The following USP39 variants were observed in gnomAD, a reference collection of about 807,000 sequenced individuals.
The protein encoded by USP39 is ubiquitin specific peptidase 39, also known as ubiquitin carboxyl-terminal hydrolase 39.
A neutral mutation model predicts 66.4 loss-of-function variants in USP39; 38 were observed. That is an observed-to-expected ratio of 0.57 (90% CI 0.44 to 0.75). USP39 has a LOEUF of 0.75. Ranked by LOEUF, USP39 falls within the 30% of genes least tolerant of loss-of-function variation. USP39 has a pLI of 0.00. For missense variants in USP39, 608 were observed against 714.4 expected (o/e 0.85, Z 1.70); for synonymous variants, 303 against 274.6 (o/e 1.10, Z -1.02).
chr2:85,633,325 G>A (rs144296684), intron 6 of USP39, among the ~76,000 whole-genome samples: 7,356 of 152,170 alleles, frequency 0.048, 216 homozygotes, highest in Middle Eastern at 0.099. Context: ...GTTTCACCAC[G>A]TTGGTCAGGC....
chr2:85,632,449 T>C (rs1209426931), intron 6 of USP39, among the ~76,000 whole-genome samples: 1 of 60,118 alleles, frequency 1.7e-5, no homozygotes, highest in African/African-American at 6.9e-5. Flanking sequence ...TTCAACTATC[T>C]TTTTTTTTTT....
At chr2:85,646,521 G>C (rs1289784516) in intron 11 of USP39, among the ~76,000 whole-genome samples, 2 of 152,166 alleles carry the variant, frequency 1.3e-5, no homozygotes, top group African/African-American at 4.8e-5. Context: ...TTTGACCCAG[G>C]TACTCTGCTT....
At chr2:85,636,458 C>A (rs1026398462) in intron 7 of USP39, among the ~76,000 whole-genome samples, 2 of 152,076 alleles carry the variant, frequency 1.3e-5, no homozygotes, top group Admixed American at 1.3e-4. Flanking sequence ...TCTGAATAGG[C>A]CCCTCTCCAT....
chr2:85,612,962 CTTT>C, upstream of USP39, among the ~76,000 whole-genome samples: 1 of 144,776 alleles, frequency 6.9e-6, no homozygotes, highest in East Asian at 2.0e-4. Context: ...TGCCCGGCCC[CTTT>C]TTTTTTTTTT....
intron 9 of USP39, 129 bp downstream of exon 9, chr2:85,639,520 T>C: frequency 1.0e-6 from 1 of 971,160 alleles, no homozygotes. Context: ...AGTGGCGTGA[T>C]TTCGGCTGAC....
At chr2:85,622,529 G>A (rs1005432928) in intron 3 of USP39, among the ~76,000 whole-genome samples, 1 of 151,750 alleles carries the variant, frequency 6.6e-6, no homozygotes, top group African/African-American at 2.4e-5. Flanking sequence ...TGGGATTATA[G>A]ATGTGAGCCA....
chr2:85,636,459 C>T (rs1675782542), intron 7 of USP39, among the ~76,000 whole-genome samples: 1 of 151,982 alleles, frequency 6.6e-6, no homozygotes, highest in South Asian at 2.1e-4. Context: ...CTGAATAGGC[C>T]CCTCTCCATA....
upstream of USP39, chr2:85,615,984 T>G: frequency 1.1e-6 from 1 of 891,396 alleles, no homozygotes; most frequent in Non-Finnish European, 1.3e-6. Context: ...CTCAGTAAAC[T>G]GTAAACGACA....
At position 85,616,599 on chromosome 2, in the gene USP39, C is replaced by G. The variant is rs550718067; in HGVS notation, c.268+136C>G. On this transcript the variant is annotated intron_variant, in intron 1 of 12. Transcript: ENST00000323701. ...GTTGGGGTGGAGAAGAGGAGGGATC[C>G]AGACTCGACGATTCTGCTGTTCGAC... 26 of 1,354,032 alleles carry G rather than the reference C, an allele frequency of 1.9e-5. No homozygotes were observed. In the Admixed American group the frequency reaches 5.3e-4, roughly 27 times the overall value. The allele number at this position is 1,354,032 out of a possible 1,614,324, so 83.9% of individuals were successfully genotyped here. A position where few individuals can be genotyped will look rare whatever the true frequency, so the allele number is the denominator to read the frequency against.
intron 11 of USP39, among the ~76,000 whole-genome samples, chr2:85,646,850 C>G (rs1437912105): frequency 1.3e-5 from 2 of 150,164 alleles, no homozygotes; most frequent in African/African-American, 4.9e-5. Context: ...TAGACAGTGT[C>G]CACCAAGGAC....
At chr2:85,639,133 A>G (rs1019816518) in intron 8 of USP39, 70 bp from the exon 9 acceptor site, 31 of 1,429,332 alleles carry the variant, frequency 2.2e-5, no homozygotes, top group Non-Finnish European at 2.4e-5. Flanking sequence ...GCGTGGTAAA[A>G]CATCGGTTCT....
Position 85,619,249 on chromosome 2 carries a change from C to T in USP39, c.298C>T (p.Arg100Trp), listed in dbSNP as rs773871254. Residue 100 changes from arginine to tryptophan, a missense_variant, in exon 2 of 13, where the codon CGG becomes TGG. Arg to Trp is a moderately radical substitution (Grantham distance 101). Transcript: ENST00000323701. ...AKNGRVDSED[R>W]RSRHCPYLDT... ...GAATGGCCGAGTGGATTCTGAGGAC[C>T]GGAGGAGCCGCCACTGCCCGTACCT... 30 of 1,613,412 alleles carry T rather than the reference C, an allele frequency of 1.9e-5. No homozygotes were observed. In the African/African-American group the frequency reaches 2.5e-4, roughly 14 times the overall value.
chr2:85,634,829 A>T (rs1029989547), intron 6 of USP39, among the ~76,000 whole-genome samples: 1 of 152,194 alleles, frequency 6.6e-6, no homozygotes, highest in African/African-American at 2.4e-5. Context: ...ACTGTGTTCC[A>T]CAGGTGACTT....
intron 6 of USP39, among the ~76,000 whole-genome samples, chr2:85,632,099 T>C (rs1329172874): frequency 6.6e-6 from 1 of 152,206 alleles, no homozygotes; most frequent in Non-Finnish European, 1.5e-5. Flanking sequence ...TACTGTCTTA[T>C]GAGTAAAGCG....
upstream of USP39, among the ~76,000 whole-genome samples, chr2:85,613,816 C>T (rs867368546): frequency 2.0e-5 from 3 of 151,934 alleles, no homozygotes; most frequent in South Asian, 2.1e-4. Context: ...ATCTCACTGT[C>T]GCATAGGTTG....
chr2:85,628,526 A>G (rs569592255), intron 5 of USP39, among the ~76,000 whole-genome samples: 1 of 152,252 alleles, frequency 6.6e-6, no homozygotes, highest in South Asian at 2.1e-4. Flanking sequence ...TGAATTTTAG[A>G]TCGCATAGGA....
At chr2:85,605,094 C>G (rs1008646096) in intron 1 of USP39, among the ~76,000 whole-genome samples, 1 of 151,948 alleles carries the variant, frequency 6.6e-6, no homozygotes, top group African/African-American at 2.4e-5. Context: ...ATGAGTCTGT[C>G]TAGTTGTTAT....
intron 2 of USP39, among the ~76,000 whole-genome samples, chr2:85,619,670 G>A (rs1674297671): frequency 4.0e-5 from 6 of 151,600 alleles, no homozygotes; most frequent in Admixed American, 1.3e-4. Context: ...TCTTTTCTCT[G>A]ATTCCCAGGT....
At chr2:85,604,694 A>C (rs761990453) in intron 1 of USP39, among the ~76,000 whole-genome samples, 7 of 152,220 alleles carry the variant, frequency 4.6e-5, no homozygotes, top group Non-Finnish European at 7.3e-5. Flanking sequence ...TTGCTAATTG[A>C]CAGGAACCAT....
Sources: gnomAD v4.1 joint callset for allele counts (sites outside exome capture counted in the v4.1 genomes callset) on GRCh38, gnomAD v4.1.1 for gene constraint, MANE v1.5 for transcripts, NCBI Gene and HGNC (gene_info 2026-07-23, HGNC 2026-07-21) for gene names.